TMPRSS9: variants seen among roughly 807,000 people sequenced by gnomAD.
TMPRSS9 encodes the protein transmembrane serine protease 9.
Under a neutral mutation model 111.4 loss-of-function variants are expected in TMPRSS9, and 113 were observed. That is an observed-to-expected ratio of 1.01 (90% CI 0.87 to 1.19). The LOEUF is 1.19. Among genes scored for constraint, TMPRSS9 ranks in the 50% most tolerant of loss-of-function variants. The pLI, the probability that TMPRSS9 is intolerant of heterozygous loss-of-function variation, is 0.00. For missense variants in TMPRSS9, 1,803 were observed against 1,513.1 expected (o/e 1.19, Z -3.18); for synonymous variants, 805 against 659.1 (o/e 1.22, Z -3.39).
chr19:2,414,092 G>T, intron 10 of TMPRSS9, 74 bp downstream of exon 11: 1 of 1,405,884 alleles, frequency 7.1e-7, no homozygotes, highest in Non-Finnish European at 9.4e-7. Flanking sequence ...TATCGTCATA[G>T]TATCTTCATA....
intron 17 of TMPRSS9, 187 bp from the exon 19 acceptor site, chr19:2,425,740 C>T: frequency 3.5e-6 from 4 of 1,143,100 alleles, no homozygotes; most frequent in Non-Finnish European, 3.6e-6. Context: ...AGGCACCGTT[C>T]CACTCCGGGA....
At chr19:2,390,050 T>TG in intron 1 of TMPRSS9, 123 bp downstream of exon 2, 1 of 1,325,096 alleles carries the variant, frequency 7.5e-7, no homozygotes, top group African/African-American at 1.5e-5. Context: ...GGCGTGGAGA[T>TG]GAAGGCTGCC....
At position 2,396,676 on chromosome 19, in the gene TMPRSS9, G is replaced by T. The variant is rs1393916783; in HGVS notation, c.270+10G>T. ...CACCCTGGAGGCACTGGTGAGGGTGGTCTGTGTTTGGGGGCCAGGGAGGAA... is the reference window on the plus strand; with the variant it reads ...CACCCTGGAGGCACTGGTGAGGGTGTTCTGTGTTTGGGGGCCAGGGAGGAA... On this transcript the variant is annotated intron_variant, in intron 2 of 17. Transcript: ENST00000648592. The T allele has an allele frequency of 4.4e-6, 7 of 1,602,466 alleles. No homozygotes were observed. The highest frequency in any genetic ancestry group is 6.0e-6 in the Non-Finnish European group (7 of 1,172,606).
chr19:2,376,297 C>T (rs754895456), intron 1 of TMPRSS9, among the ~76,000 whole-genome samples: 1 of 152,100 alleles, frequency 6.6e-6, no homozygotes, highest in Non-Finnish European at 1.5e-5. Flanking sequence ...ATATGAGGCC[C>T]GCCAGATCAT....
chr19:2,425,455 T>G (rs868491576), exon 17 of TMPRSS9: 1 of 1,592,148 alleles, frequency 6.3e-7, no homozygotes, highest in Non-Finnish European at 8.5e-7. Flanking sequence ...CCGCATGCTG[T>G]GTGCCGGCTT....
intron 1 of TMPRSS9, 152 bp from the exon 3 acceptor site, chr19:2,396,387 G>A: frequency 1.1e-6 from 1 of 872,548 alleles, no homozygotes; most frequent in Non-Finnish European, 1.6e-6. Context: ...TAGCTATTCA[G>A]GGCTATCACG....
intron 13 of TMPRSS9, among the ~76,000 whole-genome samples, chr19:2,421,474 A>G (rs887923825): frequency 2.0e-5 from 3 of 151,616 alleles, no homozygotes; most frequent in Admixed American, 2.0e-4. Context: ...TTTTTAGTAG[A>G]GACGGGGTTT....
chr19:2,425,142 T>G (rs1362057328), exon 16 of TMPRSS9: 2 of 1,579,962 alleles, frequency 1.3e-6, no homozygotes, highest in Admixed American at 1.7e-5. Context: ...GTGGCGCTGC[T>G]GGAGCTGGCG....
At chr19:2,403,303 G>C (rs1323344583) in intron 6 of TMPRSS9, 108 bp downstream of exon 7, 14 of 887,798 alleles carry the variant, frequency 1.6e-5, no homozygotes, top group Non-Finnish European at 5.3e-6. Context: ...ACACAGGCCT[G>C]GCATTTATGG....
rs188189568 is a variant in TMPRSS9 at position 2,423,252 on chromosome 19, C to T, written c.2549-837C>T. 5.7e-3 allele frequency among the ~76,000 whole-genome samples: 857 copies of T among 151,596 alleles called. 5 individuals are homozygous for T. Among genetic ancestry groups the T allele is most frequent in the Admixed American group, 9.6e-3 (146 of 15,198 alleles). On this transcript the variant is annotated intron_variant, in intron 14 of 17. Transcript: ENST00000648592. ...GCTATGGCGTGGGATCTCTTTGGGC[C>T]CAAAAGAGGTGGAGAAGGCCCCCCT...
At chr19:2,403,646 C>T (rs907637662) in intron 6 of TMPRSS9, among the ~76,000 whole-genome samples, 1 of 148,376 alleles carries the variant, frequency 6.7e-6, no homozygotes, top group African/African-American at 2.5e-5. Context: ...CACTTGAGGC[C>T]AGGAGTTTCA....
chr19:2,398,245 G>A lies in TMPRSS9; in HGVS notation c.271-550G>A, dbSNP rs192866261. On this transcript the variant is annotated intron_variant, in intron 2 of 17. Coordinates refer to ENST00000648592, the Ensembl canonical transcript of TMPRSS9. The stretch of plus-strand genomic sequence containing the variant: ...TGAGAGACGGAAGTTGCAATGAGCC[G>A]AGATCGTGCCACTGCACTCCACCCC... Among the ~76,000 whole-genome samples, 222 of 150,900 alleles carry A rather than the reference G, an allele frequency of 1.5e-3. 3 individuals carry two copies. The highest frequency in any genetic ancestry group is 5.0e-3 in the African/African-American group (207 of 41,082).
intron 1 of TMPRSS9, among the ~76,000 whole-genome samples, chr19:2,376,212 C>T (rs1970332768): frequency 6.6e-6 from 1 of 152,128 alleles, no homozygotes; most frequent in South Asian, 2.1e-4. Flanking sequence ...CCCTTCACAG[C>T]CACAGCGCAG....
chr19:2,424,044 G>A, intron 14 of TMPRSS9, 45 bp from the exon 16 acceptor site: 1 of 1,250,428 alleles, frequency 8.0e-7, no homozygotes. Flanking sequence ...CTTCGTGGAG[G>A]AGGTGCCCTG....
intron 7 of TMPRSS9, among the ~76,000 whole-genome samples, chr19:2,407,185 A>G (rs1297957691): frequency 1.3e-5 from 2 of 151,816 alleles, no homozygotes; most frequent in Non-Finnish European, 2.9e-5. Context: ...CCTCACCCTA[A>G]TCCCAACTCT....
At chr19:2,382,833 T>G (rs1970403207) in intron 1 of TMPRSS9, among the ~76,000 whole-genome samples, 1 of 152,146 alleles carries the variant, frequency 6.6e-6, no homozygotes, top group Non-Finnish European at 1.5e-5. Flanking sequence ...AGATTGAGAT[T>G]TATTTTAGGG....
chr19:2,398,859 A>G, exon 3 of TMPRSS9: 1 of 1,522,794 alleles, frequency 6.6e-7, no homozygotes, highest in South Asian at 1.2e-5. Context: ...GTACTGAATT[A>G]TAGGTGAGTT....
At chr19:2,418,048 C>T in exon 13 of TMPRSS9, 1 of 1,612,348 alleles carries the variant, frequency 6.2e-7, no homozygotes, top group Non-Finnish European at 8.5e-7. Context: ...GCATCATAGA[C>T]CAGAAAACCT....
exon 10 of TMPRSS9, chr19:2,413,982 G>C (rs775349923): frequency 1.2e-6 from 2 of 1,606,550 alleles, no homozygotes; most frequent in Non-Finnish European, 1.7e-6. Context: ...CCTCAGTACC[G>C]TGCCTCTTGA....
Sources: gnomAD v4.1 joint callset for allele counts (sites outside exome capture counted in the v4.1 genomes callset) on GRCh38, gnomAD v4.1.1 for gene constraint, MANE v1.5 for transcripts, NCBI Gene and HGNC (gene_info 2026-07-23, HGNC 2026-07-21) for gene names.